Variants in SLC17A1 observed in about 807,000 individuals in gnomAD.
SLC17A1 encodes solute carrier family 17 member 1.
In SLC17A1, 51 loss-of-function variants were observed where a neutral mutation model predicts 53.5. The observed-to-expected ratio is 0.95, with a 90% CI of 0.76 to 1.20. SLC17A1 has a LOEUF of 1.20. Ranked by LOEUF, SLC17A1 falls within the 50% of genes most tolerant of loss-of-function variation. The pLI, the probability that SLC17A1 is intolerant of heterozygous loss-of-function variation, is 0.00. For synonymous variants in SLC17A1, 179 were observed against 198.8 expected (o/e 0.90, Z 0.84); for missense variants, 538 against 568.2 (o/e 0.95, Z 0.54).
chr6:25,732,425 T>C, the SLC17A1 span: 1 of 274,230 alleles, frequency 3.6e-6, no homozygotes. Context: ...TTTTCCGTTA[T>C]AACTTTTAGT....
chr6:25,801,685 G>T (rs1293132658), intron 10 of SLC17A1, among the ~76,000 whole-genome samples: 1 of 152,160 alleles, frequency 6.6e-6, no homozygotes, highest in Non-Finnish European at 1.5e-5. Context: ...TTTATGAGAG[G>T]CAGAGTTCAG....
the SLC17A1 span, among the ~76,000 whole-genome samples, chr6:25,776,162 T>C: frequency 4.0e-5 from 6 of 151,810 alleles, no homozygotes; most frequent in African/African-American, 1.5e-4. Context: ...AAAAAATGGG[T>C]GTTTTTGCCA....
chr6:25,821,613 A>G (rs1468747758), intron 3 of SLC17A1, among the ~76,000 whole-genome samples: 1 of 152,184 alleles, frequency 6.6e-6, no homozygotes, highest in Non-Finnish European at 1.5e-5. Context: ...ATCACTCAAA[A>G]TCTTGGATAG....
chr6:25,771,727 G>A, the SLC17A1 span, among the ~76,000 whole-genome samples: 12 of 152,160 alleles, frequency 7.9e-5, no homozygotes, highest in African/African-American at 2.9e-4. Flanking sequence ...AGAAAATTGT[G>A]TGACTGTGAC....
At chr6:25,796,336 G>T (rs1403761978) in intron 12 of SLC17A1, among the ~76,000 whole-genome samples, 1 of 151,932 alleles carries the variant, frequency 6.6e-6, no homozygotes, top group Non-Finnish European at 1.5e-5. Flanking sequence ...CTTGAGTTAT[G>T]CTTGCATCTT....
At chr6:25,726,993 A>G in the SLC17A1 span, 5 of 1,614,228 alleles carry the variant, frequency 3.1e-6, no homozygotes, top group Non-Finnish European at 3.4e-6. Context: ...AAAGGAAGGC[A>G]AAAAGCGCAA....
the SLC17A1 span, chr6:25,726,125 C>A: frequency 1.3e-6 from 2 of 1,519,904 alleles, no homozygotes; most frequent in African/African-American, 2.8e-5. Context: ...CCAATGACAA[C>A]CTTAAGTTAC....
the SLC17A1 span, among the ~76,000 whole-genome samples, chr6:25,757,258 A>G: frequency 6.6e-6 from 1 of 152,140 alleles, no homozygotes; most frequent in African/African-American, 2.4e-5. Context: ...CCAAAGGATC[A>G]GGTCTATTTT....
intron 2 of SLC17A1, 117 bp from the exon 3 acceptor site, chr6:25,826,750 G>A (rs1390459078): frequency 3.7e-6 from 2 of 545,482 alleles, no homozygotes; most frequent in South Asian, 4.9e-5. Context: ...AAATTTTATT[G>A]TACTTAATGA....
At chr6:25,827,653 T>A (rs1003127612) in intron 2 of SLC17A1, among the ~76,000 whole-genome samples, 1 of 152,188 alleles carries the variant, frequency 6.6e-6, no homozygotes, top group African/African-American at 2.4e-5. Context: ...AAAGGGCTCA[T>A]GTGATTAGAT....
At chr6:25,823,624 A>G (rs1764639602) in intron 3 of SLC17A1, among the ~76,000 whole-genome samples, 1 of 152,026 alleles carries the variant, frequency 6.6e-6, no homozygotes, top group South Asian at 2.1e-4. Flanking sequence ...TTGGTGAAAT[A>G]GCTGTTCACA....
intron 3 of SLC17A1, among the ~76,000 whole-genome samples, chr6:25,820,603 G>A (rs1335220988): frequency 2.6e-5 from 4 of 152,038 alleles, no homozygotes; most frequent in African/African-American, 7.2e-5. Flanking sequence ...AATGATGGCC[G>A]GGCGCGGTGG....
chr6:25,771,104 A>G, the SLC17A1 span: 69 of 1,035,500 alleles, frequency 6.7e-5, no homozygotes, highest in Admixed American at 1.2e-3. Context: ...AGATATGGAT[A>G]TTTACATAGC....
At chr6:25,829,306 C>T (rs1317199521) in intron 2 of SLC17A1, among the ~76,000 whole-genome samples, 1 of 152,088 alleles carries the variant, frequency 6.6e-6, no homozygotes, top group Non-Finnish European at 1.5e-5. Context: ...GAACACATTG[C>T]CCCCTTATCT....
At chr6:25,778,593 A>T (rs1763132427), downstream of SLC17A1, among the ~76,000 whole-genome samples, 1 of 152,222 alleles carries the variant, frequency 6.6e-6, no homozygotes, top group Non-Finnish European at 1.5e-5. Context: ...TGAATGAAAC[A>T]CAATTCCTTC....
At chr6:25,726,506 C>G in the SLC17A1 span, 2 of 1,610,846 alleles carry the variant, frequency 1.2e-6, no homozygotes, top group Non-Finnish European at 1.7e-6. Context: ...GCTTTTCCTC[C>G]CTGCTTCCCT....
chr6:25,730,848 A>G, the SLC17A1 span, among the ~76,000 whole-genome samples: 1 of 152,222 alleles, frequency 6.6e-6, no homozygotes, highest in Non-Finnish European at 1.5e-5. Flanking sequence ...GTGTGAGATC[A>G]TGAGTATGCA....
chr6:25,723,792 G>A, the SLC17A1 span, among the ~76,000 whole-genome samples: 1 of 152,170 alleles, frequency 6.6e-6, no homozygotes, highest in African/African-American at 2.4e-5. Flanking sequence ...GACAGAGGAA[G>A]GCTGTTGGGG....
the SLC17A1 span, among the ~76,000 whole-genome samples, chr6:25,737,866 C>T: frequency 6.6e-6 from 1 of 152,034 alleles, no homozygotes; most frequent in Non-Finnish European, 1.5e-5. Flanking sequence ...CTTCTGATTC[C>T]CCTTAATCCT....
Sources: gnomAD v4.1 joint callset for allele counts (sites outside exome capture counted in the v4.1 genomes callset) on GRCh38, gnomAD v4.1.1 for gene constraint, MANE v1.5 for transcripts, NCBI Gene and HGNC (gene_info 2026-07-23, HGNC 2026-07-21) for gene names.